SLC15A5: variants seen among roughly 807,000 people sequenced by gnomAD.
SLC15A5 encodes Peptide/histidine transporter ENSP00000340402.
In SLC15A5, 58 loss-of-function variants were observed where a neutral mutation model predicts 56.1. The observed-to-expected ratio is 1.03, with a 90% CI of 0.84 to 1.29. SLC15A5 has a LOEUF of 1.29. SLC15A5 is among the 50% of genes most tolerant of loss of function. The pLI, the probability that SLC15A5 is intolerant of heterozygous loss-of-function variation, is 0.00. For synonymous variants in SLC15A5, 264 were observed against 250.5 expected (o/e 1.05, Z -0.51); for missense variants, 681 against 672.1 (o/e 1.01, Z -0.15).
rs1266534865 is a variant in SLC15A5, at chr12:16,239,857, C to A, written c.986G>T (p.Gly329Val). 1.3e-6 allele frequency: 2 copies of A among 1,536,748 alleles called. No individual in the cohort carries two copies. Among genetic ancestry groups the A allele is most frequent in the Non-Finnish European group, 1.7e-6 (2 of 1,146,676 alleles). ...YRMCIMQIPS[G>V]YYLQTMNSNL... Reference sequence around the variant, plus strand: ...GGAATTCATAGTTTGCAGATAATATCCTGAAGGAATCTGTATTCGAGAGGG... The same window carrying A: ...GGAATTCATAGTTTGCAGATAATATACTGAAGGAATCTGTATTCGAGAGGG... Residue 329 changes from glycine to valine, a missense_variant, in exon 5 of 9, where the codon GGA becomes GTA. By Grantham distance (109) the Gly-to-Val change is moderately radical (BLOSUM62 -3). Coordinates refer to ENST00000344941, the MANE Select transcript of SLC15A5 (RefSeq NM_001170798.1).
chr12:16,221,882 A>T (rs1228549504), intron 6 of SLC15A5, among the ~76,000 whole-genome samples: 1 of 152,012 alleles, frequency 6.6e-6, no homozygotes, highest in Non-Finnish European at 1.5e-5. Flanking sequence ...GGGAGAGGTG[A>T]GAGGAAAGAG....
At chr12:16,234,318 CA>C (rs770397761) in intron 5 of SLC15A5, among the ~76,000 whole-genome samples, 41 of 152,270 alleles carry the variant, frequency 2.7e-4, no homozygotes, top group Non-Finnish European at 5.9e-4. Flanking sequence ...TTGGAGGGAA[CA>C]AAAACATACA....
chr12:16,203,871 C>A (rs1591640555), intron 7 of SLC15A5, among the ~76,000 whole-genome samples: 2 of 152,206 alleles, frequency 1.3e-5, no homozygotes, highest in Non-Finnish European at 1.5e-5. Context: ...TGAAGACATA[C>A]ACATTAATAA....
chr12:16,268,862 G>A (rs1486580042), intron 2 of SLC15A5, among the ~76,000 whole-genome samples: 1 of 152,038 alleles, frequency 6.6e-6, no homozygotes, highest in Non-Finnish European at 1.5e-5. Flanking sequence ...TTCATATGTT[G>A]AAATCTTAAC....
intron 5 of SLC15A5, among the ~76,000 whole-genome samples, chr12:16,232,976 G>A (rs1864312730): frequency 7.6e-6 from 1 of 130,922 alleles, no homozygotes. Flanking sequence ...AAAGAAAGAA[G>A]AAAGAGAGGG....
chr12:16,274,435 T>C (rs370540550), intron 1 of SLC15A5, among the ~76,000 whole-genome samples: 5 of 152,266 alleles, frequency 3.3e-5, no homozygotes, highest in Admixed American at 2.6e-4. Flanking sequence ...TAAATTTTTA[T>C]ACAGTTATTT....
intron 2 of SLC15A5, among the ~76,000 whole-genome samples, chr12:16,272,146 T>C (rs916550849): frequency 6.6e-6 from 1 of 152,144 alleles, no homozygotes; most frequent in African/African-American, 2.4e-5. Context: ...GTGTTACCTC[T>C]AATAAAACCG....
intron 3 of SLC15A5, among the ~76,000 whole-genome samples, chr12:16,247,459 C>A (rs1213794308): frequency 1.3e-5 from 2 of 152,070 alleles, no homozygotes; most frequent in African/African-American, 2.4e-5. Context: ...CCTACAAACT[C>A]CTGATTCTTC....
intron 5 of SLC15A5, among the ~76,000 whole-genome samples, chr12:16,226,636 G>A (rs996898284): frequency 5.3e-5 from 8 of 152,014 alleles, no homozygotes; most frequent in African/African-American, 1.4e-4. Context: ...TAAAACTTTC[G>A]TTTAGAAAAA....
chr12:16,241,636 A>C (rs2136259087), intron 4 of SLC15A5, among the ~76,000 whole-genome samples: 2 of 152,286 alleles, frequency 1.3e-5, no homozygotes, highest in South Asian at 4.1e-4. Context: ...TACTTCAATA[A>C]AATTATTAAG....
chr12:16,235,435 G>T lies in SLC15A5; in HGVS notation c.1162+4246C>A, dbSNP rs568408653. On this transcript the variant is annotated intron_variant, in intron 5 of 8. Coordinates refer to ENST00000344941, the MANE Select transcript of SLC15A5 (RefSeq NM_001170798.1). This position sits in a 1 kb window ranked among gnomAD's most constrained non-coding sequence, Gnocchi z 4.1. Reference sequence around the variant, plus strand: ...TGTTTTATTTCTGAATGTAGAACAGGTAGTCATTTACATAGAGATAAAATA... The same window carrying T: ...TGTTTTATTTCTGAATGTAGAACAGTTAGTCATTTACATAGAGATAAAATA... 3.3e-5 allele frequency among the ~76,000 whole-genome samples: 5 copies of T among 151,836 alleles called. 1 individual carries two copies. The highest frequency in any genetic ancestry group is 4.8e-5 in the African/African-American group (2 of 41,440).
chr12:16,233,607 G>A (rs1864319818), intron 5 of SLC15A5, among the ~76,000 whole-genome samples: 1 of 152,130 alleles, frequency 6.6e-6, no homozygotes, highest in Non-Finnish European at 1.5e-5. Context: ...ACCTGTTACT[G>A]AACTTTCGTT....
intron 3 of SLC15A5, among the ~76,000 whole-genome samples, chr12:16,255,644 G>A (rs1864563622): frequency 6.6e-6 from 1 of 151,916 alleles, no homozygotes; most frequent in African/African-American, 2.4e-5. Flanking sequence ...AGAGAAACAT[G>A]CACCAAGCTA....
chr12:16,203,162 G>A (rs1447165708), intron 7 of SLC15A5, among the ~76,000 whole-genome samples: 1 of 151,958 alleles, frequency 6.6e-6, no homozygotes, highest in Admixed American at 6.6e-5. Context: ...TATGTGAGGT[G>A]GTGGACATGC....
chr12:16,266,205 G>A (rs2136817847), intron 2 of SLC15A5, among the ~76,000 whole-genome samples: 1 of 152,340 alleles, frequency 6.6e-6, no homozygotes, highest in East Asian at 1.9e-4. Flanking sequence ...TCTTGCTGCT[G>A]CAAGCTGTAC....
rs747214642 is a variant in SLC15A5 at position 16,277,577 on chromosome 12, CAG to C, written c.107_108del (p.Ser36CysfsTer17). 4 of 1,536,350 alleles carry C rather than the reference CAG, an allele frequency of 2.6e-6. No homozygotes were observed. The highest frequency in any genetic ancestry group is 3.5e-6 in the Non-Finnish European group (4 of 1,146,404). On this transcript the variant is annotated frameshift_variant, in exon 1 of 9. Transcript: ENST00000344941. LOFTEE classifies it high-confidence loss of function. ...RHIGDLCSSH[S>X]VKKIQVGICL... is the part of the protein sequence containing the mutation. Reference sequence around the variant, plus strand: ...CAGATTCCAACCTGAATTTTTTTCACAGAGTGTGAGGAACACAAATCGCCAAT... The same window carrying C: ...CAGATTCCAACCTGAATTTTTTTCACAGTGTGAGGAACACAAATCGCCAAT...
chr12:16,252,972 C>G (rs1000101822), intron 3 of SLC15A5, among the ~76,000 whole-genome samples: 16 of 151,968 alleles, frequency 1.1e-4, no homozygotes, highest in African/African-American at 3.9e-4. Flanking sequence ...GTAGAGAGCC[C>G]AAAAATACAC....
At chr12:16,223,189 T>C (rs1864205397) in intron 6 of SLC15A5, among the ~76,000 whole-genome samples, 1 of 152,180 alleles carries the variant, frequency 6.6e-6, no homozygotes, top group East Asian at 1.9e-4. Flanking sequence ...TTTAAGATAA[T>C]AGAATCATTG....
chr12:16,220,606 T>C (rs541672897), intron 6 of SLC15A5, among the ~76,000 whole-genome samples: 1 of 152,364 alleles, frequency 6.6e-6, no homozygotes, highest in South Asian at 2.1e-4. Context: ...ATTTATTATA[T>C]GTTGTCTATG....
Sources: gnomAD v4.1 joint callset for allele counts (sites outside exome capture counted in the v4.1 genomes callset) on GRCh38, gnomAD v4.1.1 for gene constraint, Gnocchi (gnomAD v3.1) non-coding constraint, MANE v1.5 for transcripts, NCBI Gene and HGNC (gene_info 2026-07-23, HGNC 2026-07-21) for gene names.